Variants in USP6 observed in about 807,000 individuals in gnomAD.
USP6 encodes the protein ubiquitin carboxyl-terminal hydrolase 6.
A neutral mutation model predicts 175.7 loss-of-function variants in USP6; 128 were observed. That is an observed-to-expected ratio of 0.73 (90% CI 0.63 to 0.84). USP6 has a LOEUF of 0.84. Ranked by LOEUF, USP6 falls within the 40% of genes least tolerant of loss-of-function variation. The pLI, the probability that USP6 is intolerant of heterozygous loss-of-function variation, is 0.00. For missense variants in USP6, 1,498 were observed against 1,760.3 expected (o/e 0.85, Z 2.67); for synonymous variants, 562 against 630.6 (o/e 0.89, Z 1.63).
rs1055475953 is a variant in USP6 at position 5,132,561 on chromosome 17, G to A, written c.195+126G>A. ...GGGCAACACGCTGTCACTGGGAGGG[G>A]CAGCAGAGACCTGACCCCAAGTTGC... On this transcript the variant is annotated intron_variant, in intron 12 of 37. Coordinates refer to ENST00000574788, the MANE Select transcript of USP6 (RefSeq NM_001304284.2). The surrounding 1 kb of genome is among the most constrained non-coding windows in gnomAD (Gnocchi z 4.7). 65 of 1,528,468 alleles carry A rather than the reference G, an allele frequency of 4.3e-5. 1 individual carries two copies. In the Middle Eastern group the frequency reaches 1.2e-3, roughly 27 times the overall value. 94.7% of individuals were successfully genotyped at this position (1,528,468 alleles called of 1,614,324 possible). A position where few individuals can be genotyped will look rare whatever the true frequency, so the allele number is the denominator to read the frequency against.
Position 5,137,671 on chromosome 17 carries a change from G to A in USP6, c.846G>A (p.Leu282=). 6.2e-7 allele frequency: 1 copy of A among 1,606,678 alleles called. No homozygotes were observed. The highest frequency in any genetic ancestry group is 8.5e-7 in the Non-Finnish European group (1 of 1,175,046). The part of the protein sequence containing the change: ...LIDGISLGLT[L]RLWDVYLVEG... ...CACAGATCTCTCTCGGGCTCACCCT[G>A]CGCCTGTGGGACGTGTATTTGGTGG... is the stretch of plus-strand genomic sequence containing the variant. The change falls in exon 20 of 38, where the codon CTG becomes CTA. Residue 282 remains leucine (L), a synonymous_variant. Transcript: ENST00000574788.
intron 30 of USP6, among the ~76,000 whole-genome samples, chr17:5,151,655 G>C (rs2073776360): frequency 1.3e-5 from 2 of 152,112 alleles, no homozygotes; most frequent in African/African-American, 2.4e-5. Context: ...AAGACAAATA[G>C]ACCACTGGGA....
At position 5,138,932 on chromosome 17, in the gene USP6, C is replaced by T. The variant is rs530938258; in HGVS notation, c.1079-323C>T. ...GCAAGGAGCTGGGTGACATCCAAGG[C>T]CCCTCCCACTTGAGTTCTGATGGGG... On this transcript the variant is annotated intron_variant, in intron 21 of 37. Transcript: ENST00000574788. The T allele has an allele frequency of 3.2e-4, 406 of 1,262,480 alleles. 4 individuals carry two copies. The South Asian group carries it at 5.1e-3, about 16-fold the overall frequency. 78.2% of individuals were successfully genotyped at this position (1,262,480 alleles called of 1,614,324 possible). A position where few individuals can be genotyped will look rare whatever the true frequency, so the allele number is the denominator to read the frequency against.
chr17:5,128,327 C>A (rs1366373480), intron 7 of USP6: 4 of 152,032 alleles, frequency 2.6e-5, no homozygotes, highest in Non-Finnish European at 2.9e-5. Context: ...AGAGAAATAC[C>A]CAGTTAAAAT....
rs145953744 is a variant in USP6, at chr17:5,137,708, G to T, written c.883G>T (p.Val295Leu). The change falls in exon 20 of 38, where the codon GTG becomes TTG. Residue 295 changes from valine (V) to leucine (L), a missense_variant. Val to Leu is a conservative substitution (Grantham distance 32). Transcript: ENST00000574788. The stretch of plus-strand genomic sequence containing the variant: ...CGTGTATTTGGTGGAAGGAGAACAG[G>T]TGTTGATGCCAATAACCAGCATTGC... ...WDVYLVEGEQ[V>L]LMPITSIALK... is the part of the protein sequence containing the mutation. The T allele has an allele frequency of 4.4e-6, 7 of 1,609,138 alleles. No individual in the cohort carries two copies. The South Asian group carries it at 7.7e-5, about 18-fold the overall frequency.
intron 17 of USP6, 63 bp from the exon 18 acceptor site, chr17:5,136,577 C>G (rs1221791647): frequency 4.4e-6 from 7 of 1,586,888 alleles, no homozygotes; most frequent in East Asian, 2.2e-5. Flanking sequence ...CCAGCTCTTT[C>G]AGCTGATGGC....
At chr17:5,160,274 C>T (rs2073978278) in intron 31 of USP6, among the ~76,000 whole-genome samples, 1 of 152,146 alleles carries the variant, frequency 6.6e-6, no homozygotes. Context: ...TACAGTGACT[C>T]TTTATCATGG....
In USP6 at chr17:5,135,253, A is replaced by G. The variant is rs1044741849; in HGVS notation, c.514A>G (p.Ile172Val). ...YGAKQRELFY[I>V]LLAYSEYNPE... ...TCCTAGGCAGAGGGAACTATTCTAC[A>G]TCCTCCTGGCCTATTCGGAGTATAA... The change falls in exon 16 of 38, where the codon ATC (isoleucine) becomes GTC (valine). Residue 172 changes from isoleucine (I) to valine (V), a missense_variant. By Grantham distance (29) the Ile-to-Val change is conservative. Transcript: ENST00000574788. 1.9e-6 allele frequency: 3 copies of G among 1,612,988 alleles called. No homozygotes were observed. The highest frequency in any genetic ancestry group is 1.7e-6 in the Non-Finnish European group (2 of 1,179,162).
intron 19 of USP6, among the ~76,000 whole-genome samples, 178 bp from the exon 20 acceptor site, chr17:5,137,473 A>C (rs1231547605): frequency 6.6e-6 from 1 of 152,120 alleles, no homozygotes; most frequent in Non-Finnish European, 1.5e-5. Context: ...ACCCACTCAA[A>C]TGAGTACCCC....
rs1455627271 is a variant in USP6, at chr17:5,173,406, G to T, written c.*428G>T. ...CATGATACGCTACCTCCTTTTTCCT[G>T]AAGTTTTATTCCATTATATTGACAA... is the stretch of plus-strand genomic sequence containing the variant. On this transcript the variant is annotated 3_prime_UTR_variant, in exon 38 of 38. Coordinates refer to ENST00000574788, the MANE Select transcript of USP6 (RefSeq NM_001304284.2). 4 of 226,906 alleles carry T rather than the reference G, an allele frequency of 1.8e-5. No individual in the cohort carries two copies. Among genetic ancestry groups the T allele is most frequent in the Non-Finnish European group, 3.5e-5 (4 of 114,194 alleles). 14.1% of individuals were successfully genotyped at this position (226,906 alleles called of 1,614,324 possible).
Position 5,121,630 on chromosome 17 carries a change from G to A in USP6, c.-1419G>A. The stretch of plus-strand genomic sequence containing the variant: ...ATCAGAAGCATGGAGCAGCAGCTGT[G>A]CGAGCTCTGCTGCGACGCGGAGCAC... On this transcript the variant is annotated 5_prime_UTR_variant, in exon 4 of 38. Transcript: ENST00000574788. The A allele has an allele frequency of 6.2e-6, 1 of 160,974 alleles. No homozygotes were observed. The allele number at this position is 160,974 out of a possible 1,614,324, so 10.0% of individuals were successfully genotyped here.
intron 27 of USP6, 23 bp downstream of exon 27, chr17:5,145,602 A>G: frequency 6.5e-7 from 1 of 1,548,648 alleles, no homozygotes; most frequent in Non-Finnish European, 8.7e-7. Flanking sequence ...GTTCTGAAAA[A>G]TTACTTGATT....
rs1337525183 is a variant in USP6 at position 5,172,869 on chromosome 17, T to C, written c.4112T>C (p.Ile1371Thr). 6.2e-6 allele frequency: 10 copies of C among 1,613,960 alleles called. No individual in the cohort carries two copies. Among genetic ancestry groups the C allele is most frequent in the African/African-American group, 1.3e-5 (1 of 75,036 alleles). Residue 1371 changes from isoleucine to threonine, a missense_variant, in exon 38 of 38, where the codon ATA becomes ACA. Ile to Thr is a moderately conservative substitution (Grantham distance 89). Transcript: ENST00000574788. ...AYILFYEQQG[I>T]DYAQFLPKID... ...ATTCTTTTCTATGAGCAGCAGGGGA[T>C]AGACTACGCACAATTTCTGCCAAAG...
At position 5,135,261 on chromosome 17, in the gene USP6, G is replaced by T; in HGVS notation, c.522G>T (p.Leu174=). ...AKQRELFYIL[L]AYSEYNPEVG... ...AGAGGGAACTATTCTACATCCTCCT[G>T]GCCTATTCGGAGTATAACCCGGTGA... The change falls in exon 16 of 38, where the codon CTG becomes CTT. Residue 174 remains leucine (L), a synonymous_variant. Transcript: ENST00000574788. The T allele has an allele frequency of 6.2e-7, 1 of 1,612,826 alleles. No homozygotes were observed. The highest frequency in any genetic ancestry group is 8.5e-7 in the Non-Finnish European group (1 of 1,179,136).
At chr17:5,162,018 A>C (rs2074013865) in intron 32 of USP6, among the ~76,000 whole-genome samples, 1 of 152,196 alleles carries the variant, frequency 6.6e-6, no homozygotes, top group Admixed American at 6.5e-5. Context: ...GTCTCAAAAA[A>C]AGTTTTTCAC....
chr17:5,161,903 T>G (rs1295723232), intron 32 of USP6, among the ~76,000 whole-genome samples: 1 of 152,078 alleles, frequency 6.6e-6, no homozygotes, highest in African/African-American at 2.4e-5. Context: ...TCCCAGCTCC[T>G]TGGGAGACTG....
chr17:5,130,768 A>T (rs972948869), intron 11 of USP6, 84 bp downstream of exon 11: 3 of 1,528,500 alleles, frequency 2.0e-6, no homozygotes, highest in Non-Finnish European at 2.7e-6. Flanking sequence ...GGCCTTTCTG[A>T]TGCAGGACAT....
chr17:5,169,160 A>G, intron 35 of USP6, 105 bp downstream of exon 35: 3 of 1,278,024 alleles, frequency 2.3e-6, no homozygotes, highest in Non-Finnish European at 2.1e-6. Context: ...GGTGGAAGGA[A>G]CCTATCTGGA....
intron 33 of USP6, among the ~76,000 whole-genome samples, chr17:5,166,648 T>C (rs2074101771): frequency 6.6e-6 from 1 of 152,022 alleles, no homozygotes; most frequent in Admixed American, 6.6e-5. Flanking sequence ...GTGTGAAGTC[T>C]TAACGGTAGC....
Sources: allele counts gnomAD v4.1 joint callset (sites outside exome capture counted in the v4.1 genomes callset), GRCh38; gene constraint gnomAD v4.1.1; non-coding constraint Gnocchi (gnomAD v3.1); transcripts MANE v1.5; gene names NCBI Gene and HGNC (gene_info 2026-07-23, HGNC 2026-07-21).